Variants in TGFBR2 observed in about 807,000 individuals in gnomAD.
The protein encoded by TGFBR2 is TGF-beta receptor type-2.
Under a neutral mutation model 49.0 loss-of-function variants are expected in TGFBR2, and 18 were observed. The ratio of observed to expected loss-of-function variants is 0.37; its 90% confidence interval spans 0.25 to 0.54. The LOEUF is 0.54. Ranked by LOEUF, TGFBR2 falls within the 20% of genes least tolerant of loss-of-function variation. TGFBR2 has a pLI of 0.85. For missense variants in TGFBR2, 525 were observed against 722.6 expected (o/e 0.73, Z 3.13); for synonymous variants, 282 against 275.9 (o/e 1.02, Z -0.22).
At chr3:30,658,749 A>G (rs539173925) in intron 3 of TGFBR2, among the ~76,000 whole-genome samples, 2 of 152,304 alleles carry the variant, frequency 1.3e-5, no homozygotes, top group South Asian at 4.1e-4. Context: ...TTGCTAGCCT[A>G]TCTCTGGCAG....
intron 2 of TGFBR2, among the ~76,000 whole-genome samples, chr3:30,647,452 T>A (rs1245242565): frequency 6.6e-6 from 1 of 152,124 alleles, no homozygotes; most frequent in Non-Finnish European, 1.5e-5. Flanking sequence ...CCAGGAAACC[T>A]AAACTAAGAC....
At chr3:30,637,129 G>T (rs1331863447) in intron 1 of TGFBR2, among the ~76,000 whole-genome samples, 1 of 151,850 alleles carries the variant, frequency 6.6e-6, no homozygotes, top group Non-Finnish European at 1.5e-5. Context: ...GTCAACCAGG[G>T]TTCCAGTTGC....
At position 30,674,260 on chromosome 3, in the gene TGFBR2, A is replaced by G; in HGVS notation, c.1396+14A>G. 6.2e-7 allele frequency: 1 copy of G among 1,614,058 alleles called. No individual in the cohort carries two copies. The highest frequency in any genetic ancestry group is 1.1e-5 in the South Asian group (1 of 91,074). On this transcript the variant is annotated intron_variant, in intron 5 of 6. Coordinates refer to ENST00000295754, the MANE Select transcript of TGFBR2 (RefSeq NM_003242.6). ...ATGCAGTGGGAGGTAGGTGTGGACCAGCATCATTGTGTAGTGGTAAACTTG... is the reference window on the plus strand; with the variant it reads ...ATGCAGTGGGAGGTAGGTGTGGACCGGCATCATTGTGTAGTGGTAAACTTG...
chr3:30,656,904 G>A (rs1460728534), intron 3 of TGFBR2, among the ~76,000 whole-genome samples: 1 of 152,220 alleles, frequency 6.6e-6, no homozygotes, highest in African/African-American at 2.4e-5. Flanking sequence ...AACAACTATA[G>A]TGATGATCGC....
intron 1 of TGFBR2, among the ~76,000 whole-genome samples, chr3:30,620,704 T>C (rs947583499): frequency 2.0e-4 from 31 of 152,256 alleles, no homozygotes; most frequent in African/African-American, 7.2e-4. Flanking sequence ...AGTCATAAAG[T>C]AAATCACACC....
intron 3 of TGFBR2, among the ~76,000 whole-genome samples, chr3:30,652,767 T>C (rs1698918730): frequency 1.3e-5 from 2 of 152,196 alleles, no homozygotes; most frequent in Non-Finnish European, 2.9e-5. Flanking sequence ...TTGTCTACAG[T>C]AGACAAGTTT....
At chr3:30,619,087 A>G (rs1019236950) in intron 1 of TGFBR2, among the ~76,000 whole-genome samples, 1 of 152,168 alleles carries the variant, frequency 6.6e-6, no homozygotes, top group Non-Finnish European at 1.5e-5. Flanking sequence ...CATCTGAACT[A>G]TACTTGGCAA....
At chr3:30,666,843 A>G (rs1010029459) in intron 3 of TGFBR2, among the ~76,000 whole-genome samples, 5 of 151,124 alleles carry the variant, frequency 3.3e-5, no homozygotes, top group African/African-American at 1.2e-4. Flanking sequence ...AGACAGTCTC[A>G]CTATGTTGCC....
chr3:30,674,727 T>C (rs1490940682), intron 5 of TGFBR2, among the ~76,000 whole-genome samples: 2 of 152,158 alleles, frequency 1.3e-5, no homozygotes, highest in Non-Finnish European at 2.9e-5. Context: ...GTTTGAGATA[T>C]TTGTTTAGGT....
intron 1 of TGFBR2, among the ~76,000 whole-genome samples, chr3:30,636,441 G>A (rs1698534263): frequency 6.6e-6 from 1 of 152,074 alleles, no homozygotes; most frequent in Non-Finnish European, 1.5e-5. Context: ...CTCCACTTCT[G>A]ATCCTGGTGC....
intron 3 of TGFBR2, among the ~76,000 whole-genome samples, chr3:30,660,144 AATATAC>A (rs953745674): frequency 6.6e-6 from 1 of 152,222 alleles, no homozygotes; most frequent in Non-Finnish European, 1.5e-5. Context: ...TACTTTTAAA[AATATAC>A]ATATATATGC....
At chr3:30,671,254 G>A (rs908439099) in intron 3 of TGFBR2, among the ~76,000 whole-genome samples, 1 of 152,226 alleles carries the variant, frequency 6.6e-6, no homozygotes, top group Non-Finnish European at 1.5e-5. Context: ...GATGGCAAGA[G>A]TAGGGAAAGA....
chr3:30,648,452 A>ACG (rs755449729), intron 2 of TGFBR2, among the ~76,000 whole-genome samples: 1 of 136,654 alleles, frequency 7.3e-6, no homozygotes, highest in Admixed American at 7.2e-5. Context: ...ACACACACAC[A>ACG]CACACACACA....
At chr3:30,663,245 A>AAT (rs1699172194) in intron 3 of TGFBR2, among the ~76,000 whole-genome samples, 2 of 151,956 alleles carry the variant, frequency 1.3e-5, no homozygotes, top group South Asian at 4.2e-4. Context: ...TATACATCTA[A>AAT]ATATATATAC....
intron 1 of TGFBR2, among the ~76,000 whole-genome samples, chr3:30,630,772 T>C (rs1339674081): frequency 6.6e-6 from 1 of 152,154 alleles, no homozygotes; most frequent in Non-Finnish European, 1.5e-5. Flanking sequence ...TGGATCCTTT[T>C]GCCCTTCCAT....
chr3:30,679,033 C>A (rs1699490081), intron 5 of TGFBR2, among the ~76,000 whole-genome samples: 1 of 152,210 alleles, frequency 6.6e-6, no homozygotes, highest in Admixed American at 6.5e-5. Flanking sequence ...GCTCCAAGCT[C>A]ACCTCCACGC....
chr3:30,611,126 G>T (rs1157373657), intron 1 of TGFBR2, among the ~76,000 whole-genome samples: 1 of 152,130 alleles, frequency 6.6e-6, no homozygotes, highest in Non-Finnish European at 1.5e-5. Context: ...TAACTCTCTT[G>T]CCCATTATAC....
chr3:30,663,983 G>T (rs1357540734), intron 3 of TGFBR2, among the ~76,000 whole-genome samples: 2 of 141,268 alleles, frequency 1.4e-5, no homozygotes, highest in East Asian at 2.4e-4. Context: ...TTTTTTGGGG[G>T]GGGGAGTTGG....
In TGFBR2 at chr3:30,691,415, T is replaced by C. The variant is rs770896804; in HGVS notation, c.1525-5T>C. 3.7e-6 allele frequency: 6 copies of C among 1,613,818 alleles called. No individual in the cohort carries two copies. Among genetic ancestry groups the C allele is most frequent in the Non-Finnish European group, 5.1e-6 (6 of 1,179,882 alleles). On this transcript the variant is annotated splice_polypyrimidine_tract_variant and splice_region_variant and intron_variant, in intron 6 of 6. Transcript: ENST00000295754. ...GGTGCCCTTTGGATCTCTTTCCCGC[T>C]ACAGGGCATCCAGATGGTGTGTGAG...
Sources: gnomAD v4.1 joint callset for allele counts (sites outside exome capture counted in the v4.1 genomes callset) on GRCh38, gnomAD v4.1.1 for gene constraint, MANE v1.5 for transcripts, NCBI Gene and HGNC (gene_info 2026-07-23, HGNC 2026-07-21) for gene names.